The following PRDM16 variants were observed in gnomAD, a reference collection of about 807,000 sequenced individuals.
PRDM16 encodes the protein PR/SET domain 16.
PRDM16 carries 23 observed loss-of-function variants against 110.6 expected under a neutral mutation model. The observed-to-expected ratio is 0.21, with a 90% confidence interval of 0.15 to 0.29. PRDM16 has a LOEUF of 0.29. Ranked by LOEUF, PRDM16 falls within the 10% of genes least tolerant of loss-of-function variation. PRDM16 has a pLI of 1.00. For missense variants in PRDM16, 1,615 were observed against 1,794.3 expected, an observed-to-expected ratio of 0.90 and a Z score of 1.81; for synonymous variants, 799 against 781.8, an observed-to-expected ratio of 1.02 and a Z score of -0.37.
chr1:3,204,827 C>T (rs1050571236), intron 2 of PRDM16, among the ~76,000 whole-genome samples: 8 of 152,054 alleles, frequency 5.3e-5, no homozygotes, highest in Non-Finnish European at 1.2e-4. Context: ...AAAAAATGGG[C>T]GGGCAGGCAG....
In PRDM16 at chr1:3,358,718, G is replaced by A. The variant is rs148887173; in HGVS notation, c.439-26434G>A. 8.5e-5 allele frequency among the ~76,000 whole-genome samples: 13 copies of A among 152,280 alleles called. No individual in the cohort carries two copies. Among genetic ancestry groups the A allele is most frequent in the Admixed American group, 2.0e-4 (3 of 15,304 alleles). ...CGTGAACAAATATCGCCACGTGTGC[G>A]CGATCAGAGCTGAGTAACCTGCTCC... On this transcript the variant is annotated intron_variant, in intron 3 of 16. Coordinates refer to ENST00000270722, the MANE Select transcript of PRDM16 (RefSeq NM_022114.4). This position sits in a 1 kb window ranked among gnomAD's most constrained non-coding sequence, Gnocchi z 4.0.
chr1:3,137,728 G>A (rs529731016), intron 1 of PRDM16, among the ~76,000 whole-genome samples: 13 of 152,390 alleles, frequency 8.5e-5, no homozygotes, highest in Admixed American at 7.8e-4. Flanking sequence ...TGACAGTGGA[G>A]GAGCATGCCT....
At chr1:3,296,768 A>T (rs1225700323) in intron 3 of PRDM16, among the ~76,000 whole-genome samples, 3 of 152,012 alleles carry the variant, frequency 2.0e-5, no homozygotes, top group Admixed American at 6.6e-5. Context: ...TTTTCGTGGA[A>T]CTCTCGTGTG....
chr1:3,144,202 G>A (rs921569260), intron 1 of PRDM16, among the ~76,000 whole-genome samples: 2 of 152,168 alleles, frequency 1.3e-5, no homozygotes, highest in African/African-American at 2.4e-5. Flanking sequence ...CTCTGAGCCT[G>A]TGGGCACCAT....
intron 1 of PRDM16, among the ~76,000 whole-genome samples, chr1:3,164,216 C>T (rs777104773): frequency 3.9e-5 from 6 of 152,332 alleles, no homozygotes; most frequent in African/African-American, 1.2e-4. Context: ...ATTCCGTGTT[C>T]GTGGTTTTGT....
chr1:3,230,469 A>C (rs774268598), intron 2 of PRDM16, among the ~76,000 whole-genome samples: 17 of 152,240 alleles, frequency 1.1e-4, no homozygotes, highest in Admixed American at 6.5e-5. Context: ...AGGAGGTTGA[A>C]TATCCAGGGA....
rs915049370 is a variant in PRDM16 at position 3,190,928 on chromosome 1, C to T, written c.387+4454C>T. On this transcript the variant is annotated intron_variant, in intron 2 of 16. Coordinates refer to ENST00000270722, the MANE Select transcript of PRDM16 (RefSeq NM_022114.4). The surrounding 1 kb of genome is among the most constrained non-coding windows in gnomAD (Gnocchi z 5.0). Reference sequence around the variant, plus strand: ...AGGCACTGGGGAGGCCACCTGCCCCCGGCTGGGCCTTCAGCTGTGTGTCCA... The same window carrying T: ...AGGCACTGGGGAGGCCACCTGCCCCTGGCTGGGCCTTCAGCTGTGTGTCCA... Among the ~76,000 whole-genome samples the T allele has an allele frequency of 6.6e-5, 10 of 152,194 alleles. No homozygotes were observed. Among genetic ancestry groups the T allele is most frequent in the South Asian group, 6.2e-4 (3 of 4,830 alleles).
chr1:3,425,463 G>C lies in PRDM16; in HGVS notation c.2940-118G>C. On this transcript the variant is annotated intron_variant, in intron 12 of 16. Coordinates refer to ENST00000270722, the MANE Select transcript of PRDM16 (RefSeq NM_022114.4). The surrounding 1 kb of genome is among the most constrained non-coding windows in gnomAD (Gnocchi z 6.9). Reference sequence around the variant, plus strand: ...CCAGCAACCTCCGGGACACGGCGGGGCAAAGCTGTGCACGGGGCACGGGGC... The same window carrying C: ...CCAGCAACCTCCGGGACACGGCGGGCCAAAGCTGTGCACGGGGCACGGGGC... 8.9e-7 allele frequency: 1 copy of C among 1,119,202 alleles called. No homozygotes were observed. The highest frequency in any genetic ancestry group is 1.3e-6 in the Non-Finnish European group (1 of 788,538). The allele number at this position is 1,119,202 out of a possible 1,614,324, so 69.3% of individuals were successfully genotyped here.
At chr1:3,075,278 C>T (rs1203334752) in intron 1 of PRDM16, among the ~76,000 whole-genome samples, 1 of 152,210 alleles carries the variant, frequency 6.6e-6, no homozygotes, top group Non-Finnish European at 1.5e-5. Context: ...TATTTCTGTC[C>T]ATGAAAATTG....
At chr1:3,356,663 C>T (rs1312110325) in intron 3 of PRDM16, among the ~76,000 whole-genome samples, 2 of 152,152 alleles carry the variant, frequency 1.3e-5, no homozygotes, top group Non-Finnish European at 2.9e-5. Flanking sequence ...CAGAGCGGCC[C>T]CAGGAGGAGG....
At chr1:3,100,389 C>T (rs745336680) in intron 1 of PRDM16, among the ~76,000 whole-genome samples, 12 of 152,204 alleles carry the variant, frequency 7.9e-5, no homozygotes, top group Non-Finnish European at 1.2e-4. Context: ...GTGGCTGAGC[C>T]GCTTCCCCAT....
At chr1:3,391,215 A>G (rs774565288) in intron 4 of PRDM16, among the ~76,000 whole-genome samples, 5 of 152,162 alleles carry the variant, frequency 3.3e-5, no homozygotes, top group Non-Finnish European at 5.9e-5. Flanking sequence ...CATGCGACAC[A>G]GTTTACCCCC....
Position 3,432,066 on chromosome 1 carries a change from G to T in PRDM16, c.3622G>T (p.Val1208Phe). 6.2e-7 allele frequency: 1 copy of T among 1,614,150 alleles called. No homozygotes were observed. Among genetic ancestry groups the T allele is most frequent in the Non-Finnish European group, 8.5e-7 (1 of 1,180,020 alleles). ...CAGAGCAGCTGAGGAAGCATTTGAA[G>T]TTAAAGATGTGCTTAATTCCACCTT... ...LRRAAEEAFE[V>F]KDVLNSTLDS... The change falls in exon 16 of 17, where the codon GTT becomes TTT. Residue 1208 changes from valine to phenylalanine, a missense_variant. Around this residue, in one of 5 missense-constraint regions of PRDM16, gnomAD observed 327 missense variants for 359.3 expected, o/e 0.91. Coordinates refer to ENST00000270722, the MANE Select transcript of PRDM16 (RefSeq NM_022114.4).
intron 2 of PRDM16, among the ~76,000 whole-genome samples, chr1:3,227,563 C>T (rs967594578): frequency 4.6e-5 from 7 of 152,252 alleles, no homozygotes; most frequent in African/African-American, 1.7e-4. Flanking sequence ...GGGGCTCTGC[C>T]GTGCACTCTA....
chr1:3,215,874 C>T (rs1428513480), intron 2 of PRDM16, among the ~76,000 whole-genome samples: 1 of 152,202 alleles, frequency 6.6e-6, no homozygotes, highest in Non-Finnish European at 1.5e-5. Flanking sequence ...CAGCCTCATA[C>T]ATCCCATTGT....
rs377692075 is a variant in PRDM16 at position 3,430,878 on chromosome 1, C to T, written c.3291C>T (p.Asp1097=). Residue 1097 remains aspartate (D), a synonymous_variant, in exon 15 of 17, where the codon GAC becomes GAT. Coordinates refer to ENST00000270722, the MANE Select transcript of PRDM16 (RefSeq NM_022114.4). ...QASTRTEKRA[D]MQIVDGSAQC... ...TCCTCCTGCATCATTTCAGGGCGGACATGCAGATCGTGGACGGCAGTGCCC... is the reference window on the plus strand; with the variant it reads ...TCCTCCTGCATCATTTCAGGGCGGATATGCAGATCGTGGACGGCAGTGCCC... 6 of 1,614,074 alleles carry T rather than the reference C, an allele frequency of 3.7e-6. No individual in the cohort carries two copies. The highest frequency in any genetic ancestry group is 5.1e-6 in the Non-Finnish European group (6 of 1,179,994).
intron 3 of PRDM16, among the ~76,000 whole-genome samples, chr1:3,347,031 AC>A (rs1642375962): frequency 6.6e-6 from 1 of 152,130 alleles, no homozygotes; most frequent in Non-Finnish European, 1.5e-5. Flanking sequence ...AGCTTGGGAC[AC>A]CCATGAAGTA....
chr1:3,424,062 G>A (rs1232487283), intron 12 of PRDM16, among the ~76,000 whole-genome samples: 10 of 152,136 alleles, frequency 6.6e-5, no homozygotes, highest in East Asian at 3.9e-4. Flanking sequence ...TCCCTTCACC[G>A]TCGCCCAGCC....
At chr1:3,323,458 A>G (rs951482736) in intron 3 of PRDM16, among the ~76,000 whole-genome samples, 2 of 152,242 alleles carry the variant, frequency 1.3e-5, no homozygotes, top group African/African-American at 2.4e-5. Flanking sequence ...CCCCTGCCTC[A>G]GGAAAGCGTC....
Sources: allele counts gnomAD v4.1 joint callset (sites outside exome capture counted in the v4.1 genomes callset), GRCh38; gene constraint gnomAD v4.1.1; regional missense constraint gnomAD v4.1.1; non-coding constraint Gnocchi (gnomAD v3.1); transcripts MANE v1.5; gene names NCBI Gene and HGNC (gene_info 2026-07-23, HGNC 2026-07-21).